GRB10: variants seen among roughly 807,000 people sequenced by gnomAD.
The protein encoded by GRB10 is growth factor receptor bound protein 10.
Under a neutral mutation model 80.9 loss-of-function variants are expected in GRB10, and 20 were observed. That is an observed-to-expected ratio of 0.25 (90% confidence interval 0.17 to 0.36). The LOEUF (loss-of-function observed/expected upper bound fraction) is 0.36. Ranked by LOEUF, GRB10 falls within the 10% of genes least tolerant of loss-of-function variation. GRB10 has a pLI of 1.00. For missense variants in GRB10, 548 were observed against 747.7 expected (o/e 0.73, Z 3.12); for synonymous variants, 291 against 291.5 (o/e 1.00, Z 0.02).
At chr7:50,710,421 T>C (rs1321482330) in intron 4 of GRB10, among the ~76,000 whole-genome samples, 2 of 152,166 alleles carry the variant, frequency 1.3e-5, no homozygotes, top group Non-Finnish European at 2.9e-5. Context: ...TCATTGGCGT[T>C]CCGTTTCAAC....
At chr7:50,761,220 C>A (rs1033476499) in intron 2 of GRB10, among the ~76,000 whole-genome samples, 1 of 152,166 alleles carries the variant, frequency 6.6e-6, no homozygotes, top group Non-Finnish European at 1.5e-5. Context: ...TGAATCCCTG[C>A]CACACGGTTT....
chr7:50,612,183 A>G (rs1354655605), intron 13 of GRB10, among the ~76,000 whole-genome samples: 1 of 152,178 alleles, frequency 6.6e-6, no homozygotes, highest in Non-Finnish European at 1.5e-5. Flanking sequence ...CATCATGTTT[A>G]CTTCATGGCC....
intron 4 of GRB10, among the ~76,000 whole-genome samples, chr7:50,730,919 G>C (rs1274253116): frequency 6.6e-5 from 10 of 152,202 alleles, no homozygotes; most frequent in Non-Finnish European, 1.2e-4. Context: ...TGAGCTCACT[G>C]ACTGCACTCT....
At chr7:50,728,673 T>C (rs564452747) in intron 4 of GRB10, among the ~76,000 whole-genome samples, 1 of 152,170 alleles carries the variant, frequency 6.6e-6, no homozygotes, top group African/African-American at 2.4e-5. Flanking sequence ...CCAATAAAAC[T>C]TTAATTTTAT....
At chr7:50,612,375 T>C (rs1477339523) in intron 13 of GRB10, among the ~76,000 whole-genome samples, 1 of 152,168 alleles carries the variant, frequency 6.6e-6, no homozygotes, top group African/African-American at 2.4e-5. Context: ...AGAGACATTT[T>C]TGGTTGTCTC....
At chr7:50,615,665 G>T (rs941878445) in intron 11 of GRB10, among the ~76,000 whole-genome samples, 4 of 152,216 alleles carry the variant, frequency 2.6e-5, no homozygotes, top group African/African-American at 9.7e-5. Context: ...CTGCCACAGG[G>T]TATATGTGGA....
At chr7:50,757,153 TC>T (rs1388974229) in intron 2 of GRB10, among the ~76,000 whole-genome samples, 2 of 152,170 alleles carry the variant, frequency 1.3e-5, no homozygotes, top group African/African-American at 2.4e-5. Flanking sequence ...TTGCTAAAAA[TC>T]CAGGCACCAG....
intron 4 of GRB10, among the ~76,000 whole-genome samples, chr7:50,712,991 A>C (rs529327567): frequency 6.6e-6 from 1 of 152,332 alleles, no homozygotes; most frequent in South Asian, 2.1e-4. Flanking sequence ...ATCTTGACAA[A>C]TGGTTTTCCC....
intron 6 of GRB10, among the ~76,000 whole-genome samples, chr7:50,672,199 C>T (rs945777102): frequency 3.3e-5 from 5 of 152,204 alleles, no homozygotes; most frequent in South Asian, 2.1e-4. Context: ...TGGCAGCCCC[C>T]GGTAAGTTCC....
At chr7:50,702,282 C>T (rs894648317) in intron 5 of GRB10, among the ~76,000 whole-genome samples, 2 of 152,232 alleles carry the variant, frequency 1.3e-5, no homozygotes, top group African/African-American at 4.8e-5. Context: ...CCACAGCTCT[C>T]GGCTGGATAC....
At position 50,595,878 on chromosome 7, in the gene GRB10, A is replaced by G. The variant is rs1432282689; in HGVS notation, c.1545-348T>C. ...CAAAGAATAATGAGGACATGTCAAA[A>G]AGACACAGGAGGCAGGATGACTAAA... On this transcript the variant is annotated intron_variant, in intron 17 of 18. Transcript: ENST00000401949. The G allele has an allele frequency of 6.7e-5, 15 of 224,328 alleles. No individual in the cohort carries two copies. In the Admixed American group the frequency reaches 7.7e-4, roughly 12 times the overall value. The allele number at this position is 224,328 out of a possible 1,614,324, so 13.9% of individuals were successfully genotyped here.
At chr7:50,628,845 G>A (rs1172900283) in intron 7 of GRB10, among the ~76,000 whole-genome samples, 1 of 152,162 alleles carries the variant, frequency 6.6e-6, no homozygotes, top group Non-Finnish European at 1.5e-5. Context: ...CTCAATGAAA[G>A]TATACTTCCC....
intron 17 of GRB10, 132 bp from the exon 18 acceptor site, chr7:50,595,662 G>A (rs374285673): frequency 4.9e-5 from 34 of 692,526 alleles, no homozygotes; most frequent in African/African-American, 2.9e-4. Flanking sequence ...ATGCTTCAGT[G>A]CAGTGCTTTG....
chr7:50,723,565 T>C (rs2068091928), intron 4 of GRB10, among the ~76,000 whole-genome samples: 1 of 152,086 alleles, frequency 6.6e-6, no homozygotes, highest in African/African-American at 2.4e-5. Flanking sequence ...GATGAAGGGT[T>C]TTTAGCGATC....
intron 4 of GRB10, among the ~76,000 whole-genome samples, chr7:50,725,675 A>T (rs933458676): frequency 6.6e-6 from 1 of 152,238 alleles, no homozygotes; most frequent in Non-Finnish European, 1.5e-5. Context: ...TGGAAAATTA[A>T]AAGAACACAA....
chr7:50,784,352 T>C (rs536460331), upstream of GRB10, among the ~76,000 whole-genome samples: 13 of 152,370 alleles, frequency 8.5e-5, no homozygotes, highest in Admixed American at 2.0e-4. Context: ...TATGAGACTT[T>C]TCTGCGGTCT....
chr7:50,604,160 T>C (rs1013030853), intron 16 of GRB10, 75 bp from the exon 17 acceptor site: 110 of 1,365,248 alleles, frequency 8.1e-5, no homozygotes, highest in Non-Finnish European at 1.1e-4. Context: ...CACAACCAAC[T>C]CTGATCAACT....
chr7:50,595,795 G>A (rs1585393270), intron 17 of GRB10: 1 of 418,640 alleles, frequency 2.4e-6, no homozygotes, highest in East Asian at 4.9e-5. Context: ...TACAGGGTTA[G>A]GGCAGGGAAA....
At chr7:50,730,652 C>A (rs2069530317) in intron 4 of GRB10, among the ~76,000 whole-genome samples, 1 of 152,214 alleles carries the variant, frequency 6.6e-6, no homozygotes, top group African/African-American at 2.4e-5. Context: ...TCCTTCCTGA[C>A]TTCCTGGCTC....
Sources: allele counts gnomAD v4.1 joint callset (sites outside exome capture counted in the v4.1 genomes callset), GRCh38; gene constraint gnomAD v4.1.1; transcripts MANE v1.5; gene names NCBI Gene and HGNC (gene_info 2026-07-23, HGNC 2026-07-21).